NTM: variants seen among roughly 807,000 people sequenced by gnomAD.
The protein encoded by NTM is IgLON family member 2.
A neutral mutation model predicts 42.1 loss-of-function variants in NTM; 13 were observed. The observed-to-expected ratio is 0.31, with a 90% CI of 0.20 to 0.49. The LOEUF (loss-of-function observed/expected upper bound fraction) is 0.49. Among genes scored for constraint, NTM ranks in the 20% least tolerant of loss-of-function variants. The pLI is 0.99. For missense variants in NTM, 373 were observed against 452.8 expected, an observed-to-expected ratio of 0.82 and a Z score of 1.60; for synonymous variants, 187 against 179.2, an observed-to-expected ratio of 1.04 and a Z score of -0.35.
chr11:132,303,776 T>C lies in NTM; in HGVS notation c.527-3913T>C, dbSNP rs567943418. 2.0e-5 allele frequency among the ~76,000 whole-genome samples: 3 copies of C among 150,254 alleles called. No homozygotes were observed. In the South Asian group the frequency reaches 6.4e-4, roughly 32 times the overall value. On this transcript the variant is annotated intron_variant, in intron 4 of 8. Coordinates refer to ENST00000683400, the MANE Select transcript of NTM (RefSeq NM_001352005.2). ...CATCATGTTGGTCCAGGATGAGAAC[T>C]AGCATGGCCTGGCAGGAGAGCTGCA...
At position 131,747,107 on chromosome 11, in the gene NTM, G is replaced by A. The variant is rs185320521; in HGVS notation, c.83-164457G>A. Among the ~76,000 whole-genome samples the A allele has an allele frequency of 7.2e-5, 11 of 152,228 alleles. No individual in the cohort carries two copies. In the East Asian group the frequency reaches 2.1e-3, roughly 29 times the overall value. ...TTCTTAGAAGCCACTGCATACCTTA[G>A]GAGCAATTTATTTTTTATACTAATA... On this transcript the variant is annotated intron_variant, in intron 1 of 8. Transcript: ENST00000683400.
At chr11:132,047,477 A>G (rs1200745879) in intron 2 of NTM, among the ~76,000 whole-genome samples, 1 of 152,238 alleles carries the variant, frequency 6.6e-6, no homozygotes, top group Non-Finnish European at 1.5e-5. Flanking sequence ...TGTGCTTCCA[A>G]TTCAAATGCC....
intron 1 of NTM, among the ~76,000 whole-genome samples, chr11:131,522,505 G>A (rs2049892737): frequency 6.6e-6 from 1 of 152,140 alleles, no homozygotes; most frequent in East Asian, 1.9e-4. Context: ...TGAGCTATCA[G>A]GGTTATGTGT....
At chr11:131,489,358 C>G (rs1197212482) in intron 1 of NTM, among the ~76,000 whole-genome samples, 1 of 152,172 alleles carries the variant, frequency 6.6e-6, no homozygotes, top group Admixed American at 6.5e-5. Context: ...CCCGGTAGTT[C>G]TCCCATCATG....
chr11:131,429,713 G>A (rs1233009450), intron 1 of NTM, among the ~76,000 whole-genome samples: 1 of 152,114 alleles, frequency 6.6e-6, no homozygotes, highest in African/African-American at 2.4e-5. Context: ...GGTAAAGAAT[G>A]CATTTTTTTC....
intron 1 of NTM, among the ~76,000 whole-genome samples, chr11:131,673,851 C>A (rs937245992): frequency 6.6e-6 from 1 of 152,136 alleles, no homozygotes; most frequent in African/African-American, 2.4e-5. Context: ...TTTGACATCA[C>A]CAGTGAGAAA....
chr11:132,046,378 A>G (rs2077989413), intron 2 of NTM, among the ~76,000 whole-genome samples: 1 of 145,134 alleles, frequency 6.9e-6, no homozygotes, highest in Non-Finnish European at 1.5e-5. Context: ...AAATAAGAAA[A>G]AGGAAAAGAA....
chr11:131,376,886 T>C (rs1203877335), intron 1 of NTM, among the ~76,000 whole-genome samples: 1 of 152,190 alleles, frequency 6.6e-6, no homozygotes, highest in South Asian at 2.1e-4. Flanking sequence ...CAAGTGTTTA[T>C]TGAGTGTCTA....
intron 1 of NTM, among the ~76,000 whole-genome samples, chr11:131,547,748 T>A (rs1165113261): frequency 1.3e-5 from 2 of 152,062 alleles, no homozygotes; most frequent in African/African-American, 2.4e-5. Flanking sequence ...TCTCAAAGAG[T>A]TCGCTTTTAG....
chr11:132,059,601 A>G (rs749635894), intron 2 of NTM, among the ~76,000 whole-genome samples: 35 of 152,238 alleles, frequency 2.3e-4, no homozygotes, highest in Admixed American at 3.3e-4. Context: ...ATTGAGAAAC[A>G]GAACCTCACT....
At chr11:131,722,246 G>C (rs1477498214) in intron 1 of NTM, among the ~76,000 whole-genome samples, 5 of 152,038 alleles carry the variant, frequency 3.3e-5, no homozygotes, top group African/African-American at 1.2e-4. Context: ...AAAGGTTCCG[G>C]ACCTGTAAAC....
chr11:131,493,078 AT>A (rs2136306876), intron 1 of NTM, among the ~76,000 whole-genome samples: 1 of 151,988 alleles, frequency 6.6e-6, no homozygotes, highest in East Asian at 2.0e-4. Context: ...AAATACAAAA[AT>A]TAGCTGGGCT....
intron 1 of NTM, among the ~76,000 whole-genome samples, chr11:131,684,112 G>A (rs1357994359): frequency 6.6e-6 from 1 of 152,182 alleles, no homozygotes; most frequent in Admixed American, 6.5e-5. Flanking sequence ...CATTCTGTCT[G>A]TGGAATTGGG....
In NTM at chr11:131,674,481, C is replaced by T. The variant is rs180795521; in HGVS notation, c.83-237083C>T. Among the ~76,000 whole-genome samples the T allele has an allele frequency of 2.0e-5, 3 of 152,354 alleles. No homozygotes were observed. The East Asian group carries it at 5.8e-4, about 29-fold the overall frequency. On this transcript the variant is annotated intron_variant, in intron 1 of 8. Coordinates refer to ENST00000683400, the MANE Select transcript of NTM (RefSeq NM_001352005.2). ...CCTGGATGGTGCTTCTGCTTCCCTG[C>T]AGCTGGGATGCTCTGGCCTTGAGGA...
chr11:132,150,449 T>G (rs1353748515), intron 3 of NTM, among the ~76,000 whole-genome samples: 1 of 152,130 alleles, frequency 6.6e-6, no homozygotes, highest in Non-Finnish European at 1.5e-5. Context: ...TATTGGATAG[T>G]GCTATAAGGG....
At chr11:131,718,231 T>C (rs1332915934) in intron 1 of NTM, among the ~76,000 whole-genome samples, 2 of 152,210 alleles carry the variant, frequency 1.3e-5, no homozygotes, top group African/African-American at 2.4e-5. Context: ...ATAGAATGAA[T>C]TGGGAATTAT....
At chr11:132,020,637 A>G (rs1224540551) in intron 2 of NTM, among the ~76,000 whole-genome samples, 1 of 151,906 alleles carries the variant, frequency 6.6e-6, no homozygotes, top group East Asian at 1.9e-4. Context: ...ATTTGAAAAA[A>G]AAGGTTTTTC....
At chr11:131,678,699 T>G (rs112056684) in intron 1 of NTM, among the ~76,000 whole-genome samples, 7 of 152,330 alleles carry the variant, frequency 4.6e-5, no homozygotes, top group African/African-American at 1.7e-4. Flanking sequence ...GCAAGAGCTC[T>G]TGGAGCTCCT....
intron 1 of NTM, among the ~76,000 whole-genome samples, chr11:131,481,808 T>C (rs555073636): frequency 1.2e-4 from 19 of 152,260 alleles, no homozygotes; most frequent in Middle Eastern, 3.4e-3. Context: ...TTAAAAAAAA[T>C]TAAAAAATAA....
Sources: allele counts gnomAD v4.1 joint callset (sites outside exome capture counted in the v4.1 genomes callset), GRCh38; gene constraint gnomAD v4.1.1; transcripts MANE v1.5; gene names NCBI Gene and HGNC (gene_info 2026-07-23, HGNC 2026-07-21).